CD2AP: variants seen among roughly 807,000 people sequenced by gnomAD.
CD2AP encodes the protein CD2-associated protein.
CD2AP carries 46 observed loss-of-function variants against 85.1 expected under a neutral mutation model. That is an observed-to-expected ratio of 0.54 (90% confidence interval 0.43 to 0.69). CD2AP has a LOEUF of 0.69. CD2AP is among the 30% of genes least tolerant of loss of function. The probability of loss-of-function intolerance (pLI) is 0.00; values close to 1 mark genes in which losing one functional copy is unlikely to be tolerated. For missense variants in CD2AP, 769 were observed against 729.5 expected, an observed-to-expected ratio of 1.05 and a Z score of -0.62; for synonymous variants, 255 against 252.9, an observed-to-expected ratio of 1.01 and a Z score of -0.08.
chr6:47,504,895 A>G (rs940928201), intron 2 of CD2AP, among the ~76,000 whole-genome samples: 35 of 152,284 alleles, frequency 2.3e-4, no homozygotes, highest in Admixed American at 1.2e-3. Context: ...AAAAATTGCT[A>G]ACGATCATCT....
intron 17 of CD2AP, among the ~76,000 whole-genome samples, chr6:47,614,014 C>G (rs1048671598): frequency 1.3e-5 from 2 of 152,218 alleles, no homozygotes; most frequent in African/African-American, 4.8e-5. Flanking sequence ...TCTGTTGGGC[C>G]TTCAAAGAAT....
intron 16 of CD2AP, among the ~76,000 whole-genome samples, chr6:47,612,182 C>T (rs577512360): frequency 6.6e-5 from 10 of 152,126 alleles, no homozygotes; most frequent in South Asian, 6.2e-4. Flanking sequence ...TGTATGATAG[C>T]CGAATATAGA....
chr6:47,619,719 A>G (rs559216713), intron 17 of CD2AP, among the ~76,000 whole-genome samples: 1 of 152,280 alleles, frequency 6.6e-6, no homozygotes, highest in Non-Finnish European at 1.5e-5. Context: ...CACCTCATCC[A>G]TGCCAACATC....
chr6:47,582,869 G>T (rs1447968151), intron 11 of CD2AP, among the ~76,000 whole-genome samples: 4 of 148,666 alleles, frequency 2.7e-5, no homozygotes, highest in African/African-American at 9.9e-5. Context: ...TGCAAGCTCC[G>T]CCTCCTGGGT....
At chr6:47,479,186 A>T (rs1765383679) in intron 1 of CD2AP, among the ~76,000 whole-genome samples, 1 of 152,246 alleles carries the variant, frequency 6.6e-6, no homozygotes, top group African/African-American at 2.4e-5. Context: ...GTTCTGTAAG[A>T]GTAAACCCAA....
chr6:47,574,319 A>G, intron 6 of CD2AP, 68 bp downstream of exon 6: 1 of 1,437,114 alleles, frequency 7.0e-7, no homozygotes, highest in Non-Finnish European at 9.8e-7. Flanking sequence ...AAAATGTAAA[A>G]GTCAGTTTGT....
chr6:47,488,490 A>T (rs1392214725), intron 1 of CD2AP, among the ~76,000 whole-genome samples: 1 of 152,266 alleles, frequency 6.6e-6, no homozygotes, highest in African/African-American at 2.4e-5. Context: ...ACATTATTTC[A>T]TAATGTATTC....
At chr6:47,501,276 A>G (rs1218251237) in intron 1 of CD2AP, among the ~76,000 whole-genome samples, 1 of 152,202 alleles carries the variant, frequency 6.6e-6, no homozygotes, top group Non-Finnish European at 1.5e-5. Flanking sequence ...TTTGAAAACC[A>G]TTCACTGTGT....
chr6:47,495,364 T>C (rs1334114038), intron 1 of CD2AP, among the ~76,000 whole-genome samples: 1 of 152,168 alleles, frequency 6.6e-6, no homozygotes, highest in African/African-American at 2.4e-5. Context: ...TAAAAATTGC[T>C]GGCAGCCACC....
chr6:47,503,507 A>T, intron 2 of CD2AP, 67 bp downstream of exon 2: 7 of 1,320,884 alleles, frequency 5.3e-6, no homozygotes, highest in Non-Finnish European at 7.6e-6. Context: ...GTTAAGAAAT[A>T]GATATACTTT....
chr6:47,534,460 A>C (rs921745074), intron 3 of CD2AP, among the ~76,000 whole-genome samples: 3 of 152,186 alleles, frequency 2.0e-5, no homozygotes, highest in Non-Finnish European at 1.5e-5. Context: ...TAATCCCAGC[A>C]CTTTGGGAGG....
At chr6:47,514,462 CT>C (rs1254422162) in intron 2 of CD2AP, among the ~76,000 whole-genome samples, 1 of 152,180 alleles carries the variant, frequency 6.6e-6, no homozygotes. Context: ...GTGGGTATAA[CT>C]TTGATTCAGT....
chr6:47,590,344 A>G (rs1768759446), intron 11 of CD2AP, among the ~76,000 whole-genome samples: 2 of 152,170 alleles, frequency 1.3e-5, no homozygotes, highest in Non-Finnish European at 2.9e-5. Flanking sequence ...AAGTATATAT[A>G]AATATATACA....
At chr6:47,621,360 T>C (rs1190086751) in intron 17 of CD2AP, among the ~76,000 whole-genome samples, 1 of 152,238 alleles carries the variant, frequency 6.6e-6, no homozygotes, top group Non-Finnish European at 1.5e-5. Context: ...GACTTGTGTA[T>C]GTTAAACCAT....
intron 17 of CD2AP, among the ~76,000 whole-genome samples, chr6:47,614,917 A>G (rs559594497): frequency 6.6e-6 from 1 of 152,252 alleles, no homozygotes; most frequent in African/African-American, 2.4e-5. Context: ...TCCACTGGTG[A>G]TTGGCAATTT....
chr6:47,592,502 C>T (rs1273249586), intron 11 of CD2AP, among the ~76,000 whole-genome samples: 1 of 152,082 alleles, frequency 6.6e-6, no homozygotes, highest in Non-Finnish European at 1.5e-5. Context: ...TCCCTGGTTC[C>T]TGGCACCATA....
chr6:47,484,548 A>C (rs1441874478), intron 1 of CD2AP, among the ~76,000 whole-genome samples: 5 of 152,208 alleles, frequency 3.3e-5, no homozygotes, highest in African/African-American at 1.2e-4. Flanking sequence ...CTAAATTGAT[A>C]CTGGCTTAAG....
chr6:47,577,037 C>A lies in CD2AP; in HGVS notation c.837C>A (p.Ala279=). ...KAKEYCRTLF[A]YEGTNEDELT... ...AAGAATATTGTAGAACATTATTTGC[C>A]TATGAAGGTACTAATGAAGATGAAC... Residue 279 remains alanine (A), a synonymous_variant, in exon 8 of 18, where the codon GCC becomes GCA. Coordinates refer to ENST00000359314, the MANE Select transcript of CD2AP (RefSeq NM_012120.3). 1 of 1,517,868 alleles carries A rather than the reference C, an allele frequency of 6.6e-7. No individual in the cohort carries two copies. The allele number at this position is 1,517,868 out of a possible 1,614,324, so 94.0% of individuals were successfully genotyped here. A position where few individuals can be genotyped will look rare whatever the true frequency, so the allele number is the denominator to read the frequency against.
At chr6:47,559,371 G>T (rs1767789092) in intron 5 of CD2AP, among the ~76,000 whole-genome samples, 1 of 151,080 alleles carries the variant, frequency 6.6e-6, no homozygotes, top group African/African-American at 2.4e-5. Context: ...TGATCCTTCT[G>T]CCTCAGCCTG....
Sources: allele counts gnomAD v4.1 joint callset (sites outside exome capture counted in the v4.1 genomes callset), GRCh38; gene constraint gnomAD v4.1.1; transcripts MANE v1.5; gene names NCBI Gene and HGNC (gene_info 2026-07-23, HGNC 2026-07-21).